IQGAP1: variants seen among roughly 807,000 people sequenced by gnomAD.
The protein encoded by IQGAP1 is IQ motif containing GTPase activating protein 1.
IQGAP1 carries 66 observed loss-of-function variants against 215.6 expected under a neutral mutation model. The observed-to-expected ratio is 0.31, with a 90% CI of 0.25 to 0.38. IQGAP1 has a LOEUF of 0.38. Among genes scored for constraint, IQGAP1 ranks in the 10% least tolerant of loss-of-function variants. The probability of loss-of-function intolerance (pLI) is 1.00; values close to 1 mark genes in which losing one functional copy is unlikely to be tolerated. For synonymous variants in IQGAP1, 772 were observed against 728.7 expected, an observed-to-expected ratio of 1.06 and a Z score of -0.96; for missense variants, 1,712 against 1,997.1, an observed-to-expected ratio of 0.86 and a Z score of 2.72.
intron 2 of IQGAP1, among the ~76,000 whole-genome samples, chr15:90,399,481 TTCTC>T (rs1283677208): frequency 6.6e-6 from 1 of 152,200 alleles, no homozygotes; most frequent in Non-Finnish European, 1.5e-5. Flanking sequence ...GGACTTGACT[TTCTC>T]TCGTATTTGC....
chr15:90,399,780 T>C (rs1964779737), intron 2 of IQGAP1, among the ~76,000 whole-genome samples: 1 of 152,210 alleles, frequency 6.6e-6, no homozygotes, highest in Non-Finnish European at 1.5e-5. Context: ...CCCAAAGTGA[T>C]GGAATTACAG....
chr15:90,492,110 G>A (rs1966213776), intron 34 of IQGAP1, among the ~76,000 whole-genome samples: 1 of 152,130 alleles, frequency 6.6e-6, no homozygotes, highest in African/African-American at 2.4e-5. Context: ...ACAAATGGGG[G>A]AAGAAAATTT....
intron 25 of IQGAP1, 31 bp from the exon 26 acceptor site, chr15:90,477,634 C>T (rs1431539545): frequency 6.7e-7 from 1 of 1,493,034 alleles, no homozygotes; most frequent in Non-Finnish European, 9.3e-7. Flanking sequence ...GGTTTTGTGA[C>T]AAGTTTAAAT....
chr15:90,495,407 G>T (rs919012191), intron 36 of IQGAP1, among the ~76,000 whole-genome samples: 4 of 151,934 alleles, frequency 2.6e-5, no homozygotes, highest in Non-Finnish European at 5.9e-5. Flanking sequence ...TTTAAAAAAA[G>T]AACCTTTTAC....
At chr15:90,403,748 A>G (rs150121685) in intron 2 of IQGAP1, among the ~76,000 whole-genome samples, 2 of 151,630 alleles carry the variant, frequency 1.3e-5, no homozygotes, top group African/African-American at 4.8e-5. Context: ...ATCTCGGCTC[A>G]TTACAACCTC....
At position 90,477,861 on chromosome 15, in the gene IQGAP1, C is replaced by T; in HGVS notation, c.3301C>T (p.Gln1101Ter). Residue 1101 changes from glutamine to a stop codon, truncating the protein, a stop_gained, in exon 26 of 38, where the codon CAG becomes TAG. Transcript: ENST00000268182. LOFTEE classifies it high-confidence loss of function. ...GGATATTTACAAATCTTGGGTTAAT[C>T]AGATGGAGTCTCAGACAGGAGAGGC... ...PVDIYKSWVN[Q>*]MESQTGEASK... 1 of 1,612,668 alleles carries T rather than the reference C, an allele frequency of 6.2e-7. No homozygotes were observed. The highest frequency in any genetic ancestry group is 8.5e-7 in the Non-Finnish European group (1 of 1,178,652).
Position 90,484,134 on chromosome 15 carries a change from A to G in IQGAP1, c.3789-86A>G, listed in dbSNP as rs562913926. The G allele has an allele frequency of 5.8e-6, 7 of 1,205,898 alleles. No homozygotes were observed. In the African/African-American group the frequency reaches 9.1e-5, roughly 16 times the overall value. The allele number at this position is 1,205,898 out of a possible 1,614,324, so 74.7% of individuals were successfully genotyped here. On this transcript the variant is annotated intron_variant, in intron 29 of 37. Coordinates refer to ENST00000268182, the MANE Select transcript of IQGAP1 (RefSeq NM_003870.4). The stretch of plus-strand genomic sequence containing the variant: ...TGTTGACTGGCTTCTGTTTGCACTC[A>G]TTGTGTGAGAGGTTTGTGAAATGTC...
At chr15:90,455,704 G>A (rs1410980475) in intron 14 of IQGAP1, among the ~76,000 whole-genome samples, 2 of 152,222 alleles carry the variant, frequency 1.3e-5, no homozygotes, top group East Asian at 1.9e-4. Context: ...TTTGTTTGCT[G>A]TGTAATCTTG....
At chr15:90,457,976 A>G (rs553869892) in intron 15 of IQGAP1, among the ~76,000 whole-genome samples, 1 of 152,340 alleles carries the variant, frequency 6.6e-6, no homozygotes, top group Non-Finnish European at 1.5e-5. Context: ...TCATCACCAC[A>G]GTCAATTTTT....
chr15:90,477,039 A>G (rs1225234500), intron 24 of IQGAP1, 28 bp from the exon 25 acceptor site: 7 of 1,608,574 alleles, frequency 4.4e-6, no homozygotes, highest in Non-Finnish European at 6.0e-6. Context: ...ATTACCTACA[A>G]ATGACTTATC....
chr15:90,437,600 G>T (rs1965387828), intron 5 of IQGAP1, among the ~76,000 whole-genome samples: 1 of 152,094 alleles, frequency 6.6e-6, no homozygotes, highest in Admixed American at 6.6e-5. Flanking sequence ...GGAACGCAGA[G>T]GTGTGATCTT....
chr15:90,478,732 A>G (rs527976893), intron 26 of IQGAP1, among the ~76,000 whole-genome samples: 8 of 152,310 alleles, frequency 5.3e-5, no homozygotes, highest in African/African-American at 1.9e-4. Flanking sequence ...TAGGACTTAA[A>G]TGGACCCTGG....
rs149041414 is a variant in IQGAP1 at position 90,411,426 on chromosome 15, G to C, written c.156-14684G>C. ...CTCCCAAAGTGCTGGGATTATAGGC[G>C]TGAGCCACCTCACCTGGCAGTACTG... On this transcript the variant is annotated intron_variant, in intron 2 of 37. Coordinates refer to ENST00000268182, the MANE Select transcript of IQGAP1 (RefSeq NM_003870.4). Among the ~76,000 whole-genome samples the C allele has an allele frequency of 5.2e-3, 796 of 152,166 alleles. 12 individuals carry two copies. The highest frequency in any genetic ancestry group is 6.8e-3 in the Middle Eastern group (2 of 294).
intron 8 of IQGAP1, among the ~76,000 whole-genome samples, chr15:90,443,116 A>T (rs1261282896): frequency 6.6e-6 from 1 of 152,114 alleles, no homozygotes; most frequent in East Asian, 1.9e-4. Flanking sequence ...GTGCCACCAC[A>T]TTGGGCTAAT....
chr15:90,475,090 C>T (rs1032721880), intron 23 of IQGAP1, among the ~76,000 whole-genome samples: 3 of 150,282 alleles, frequency 2.0e-5, no homozygotes, highest in Admixed American at 6.7e-5. Flanking sequence ...ACCTCTGCCT[C>T]GCAGGTTCAG....
At chr15:90,402,200 C>CT (rs1185215876) in intron 2 of IQGAP1, among the ~76,000 whole-genome samples, 2 of 152,342 alleles carry the variant, frequency 1.3e-5, no homozygotes, top group East Asian at 3.9e-4. Context: ...GTCTAACTAG[C>CT]TTGTTGGACC....
At chr15:90,448,143 A>AT (rs1214781097) in intron 9 of IQGAP1, among the ~76,000 whole-genome samples, 2 of 152,228 alleles carry the variant, frequency 1.3e-5, no homozygotes, top group Admixed American at 1.3e-4. Flanking sequence ...CTTTAAAAAT[A>AT]TTTTTGAAAC....
chr15:90,403,036 C>T (rs980733067), intron 2 of IQGAP1, among the ~76,000 whole-genome samples: 1 of 151,984 alleles, frequency 6.6e-6, no homozygotes, highest in African/African-American at 2.4e-5. Context: ...TTACGGAGGC[C>T]GAGGAGGGAG....
chr15:90,390,084 G>C (rs1964614222), intron 1 of IQGAP1, among the ~76,000 whole-genome samples: 1 of 152,200 alleles, frequency 6.6e-6, no homozygotes, highest in Non-Finnish European at 1.5e-5. Context: ...ACTGCACAGT[G>C]GTGGGAGGAA....
Sources: allele counts gnomAD v4.1 joint callset (sites outside exome capture counted in the v4.1 genomes callset), GRCh38; gene constraint gnomAD v4.1.1; transcripts MANE v1.5; gene names NCBI Gene and HGNC (gene_info 2026-07-23, HGNC 2026-07-21).